THSD4: variants seen among roughly 807,000 people sequenced by gnomAD.
THSD4 encodes the protein thrombospondin type-1 domain-containing protein 4.
In THSD4, 69 loss-of-function variants were observed where a neutral mutation model predicts 119.0. That is an observed-to-expected ratio of 0.58 (90% CI 0.48 to 0.71). The LOEUF (loss-of-function observed/expected upper bound fraction) is 0.71, where lower values mean the gene tolerates loss of function less well. Among genes scored for constraint, THSD4 ranks in the 30% least tolerant of loss-of-function variants. THSD4 has a pLI of 0.00. For missense variants in THSD4, 1,393 were observed against 1,391.1 expected, an observed-to-expected ratio of 1.00 and a Z score of -0.02; for synonymous variants, 524 against 540.4, an observed-to-expected ratio of 0.97 and a Z score of 0.42.
At chr15:71,503,898 A>C (rs991322872) in intron 7 of THSD4, among the ~76,000 whole-genome samples, 1 of 152,236 alleles carries the variant, frequency 6.6e-6, no homozygotes, top group African/African-American at 2.4e-5. Flanking sequence ...TACACAAAAC[A>C]GGAAAATGGA....
At chr15:71,527,923 G>A (rs188035825) in intron 7 of THSD4, among the ~76,000 whole-genome samples, 1 of 151,964 alleles carries the variant, frequency 6.6e-6, no homozygotes. Flanking sequence ...ATGTTGCCCA[G>A]GCTGGTGGTC....
chr15:71,259,156 A>G (rs1401244082), intron 6 of THSD4, among the ~76,000 whole-genome samples: 1 of 152,112 alleles, frequency 6.6e-6, no homozygotes, highest in African/African-American at 2.4e-5. Context: ...GAGAAAGGAC[A>G]CAGACATACA....
intron 2 of THSD4, among the ~76,000 whole-genome samples, chr15:71,147,999 G>A (rs1187362089): frequency 7.3e-6 from 1 of 136,780 alleles, no homozygotes; most frequent in Non-Finnish European, 1.6e-5. Context: ...AAAAAAAGCT[G>A]TACTGTGATA....
intron 8 of THSD4, among the ~76,000 whole-genome samples, chr15:71,677,379 T>C (rs978642191): frequency 2.0e-5 from 3 of 152,224 alleles, no homozygotes; most frequent in African/African-American, 7.2e-5. Context: ...CTTTTATGAC[T>C]CTTGTCCAGA....
At chr15:71,436,293 A>G (rs2047012463) in intron 7 of THSD4, among the ~76,000 whole-genome samples, 1 of 152,198 alleles carries the variant, frequency 6.6e-6, no homozygotes, top group Non-Finnish European at 1.5e-5. Flanking sequence ...GAAGACAAAG[A>G]CGAAGGAAAA....
chr15:71,403,942 T>C (rs1216657674), intron 6 of THSD4, among the ~76,000 whole-genome samples: 1 of 152,178 alleles, frequency 6.6e-6, no homozygotes. Context: ...TTATTGATTG[T>C]AAGTAGGGAA....
intron 8 of THSD4, among the ~76,000 whole-genome samples, chr15:71,712,108 G>A (rs1375941087): frequency 1.3e-5 from 2 of 151,900 alleles, no homozygotes; most frequent in Non-Finnish European, 2.9e-5. Flanking sequence ...CTATATTCTG[G>A]GCCATAAAAC....
chr15:71,540,284 T>C (rs1241860943), intron 7 of THSD4, among the ~76,000 whole-genome samples: 6 of 144,120 alleles, frequency 4.2e-5, no homozygotes, highest in Non-Finnish European at 9.1e-5. Flanking sequence ...ATTATAGGCA[T>C]GCACCACCAC....
Position 71,780,946 on chromosome 15 carries a change from G to A in THSD4, c.*3572G>A, listed in dbSNP as rs749871395. On this transcript the variant is annotated 3_prime_UTR_variant, in exon 18 of 18. Coordinates refer to ENST00000261862, the MANE Select transcript of THSD4 (RefSeq NM_024817.3). ...CAGGACCTGTCTAAACAAATGTTGT[G>A]GGTTTTCTTTTCATTCGGATAGCCA... The A allele has an allele frequency of 2.8e-6, 1 of 354,702 alleles. No homozygotes were observed. Among genetic ancestry groups the A allele is most frequent in the Non-Finnish European group, 5.6e-6 (1 of 177,736 alleles). 22.0% of individuals were successfully genotyped at this position (354,702 alleles called of 1,614,324 possible).
chr15:71,182,046 C>T (rs548848096), intron 3 of THSD4, among the ~76,000 whole-genome samples: 6 of 152,294 alleles, frequency 3.9e-5, no homozygotes, highest in African/African-American at 1.2e-4. Context: ...ACTGGGGCTA[C>T]CAGCCCCATT....
intron 6 of THSD4, among the ~76,000 whole-genome samples, chr15:71,273,110 G>A (rs902767848): frequency 6.6e-6 from 1 of 152,168 alleles, no homozygotes; most frequent in Non-Finnish European, 1.5e-5. Context: ...TCACTGCAGC[G>A]TTATTCACAT....
At chr15:71,309,738 C>T (rs553152161) in intron 6 of THSD4, among the ~76,000 whole-genome samples, 9 of 152,270 alleles carry the variant, frequency 5.9e-5, no homozygotes, top group East Asian at 3.9e-4. Context: ...GTTGAAGAGA[C>T]GATTTTTCCA....
chr15:71,719,148 T>C (rs943053238), intron 8 of THSD4, among the ~76,000 whole-genome samples: 1 of 152,222 alleles, frequency 6.6e-6, no homozygotes, highest in Non-Finnish European at 1.5e-5. Context: ...GAATGAGAAT[T>C]AGACATACTT....
intron 7 of THSD4, among the ~76,000 whole-genome samples, chr15:71,485,051 T>C (rs2047794522): frequency 6.6e-6 from 1 of 152,178 alleles, no homozygotes. Context: ...CCCCAGCTCC[T>C]CTAGAGGCTA....
intron 3 of THSD4, among the ~76,000 whole-genome samples, chr15:71,198,332 A>G (rs1056968700): frequency 3.3e-5 from 5 of 152,202 alleles, no homozygotes; most frequent in African/African-American, 1.2e-4. Context: ...GGAAAAGCCA[A>G]CAAGGTTGTG....
At chr15:71,395,587 C>T (rs1439237978) in intron 6 of THSD4, among the ~76,000 whole-genome samples, 2 of 152,074 alleles carry the variant, frequency 1.3e-5, no homozygotes, top group Non-Finnish European at 2.9e-5. Context: ...ACAAAAAATA[C>T]AAAATTAGCT....
intron 3 of THSD4, among the ~76,000 whole-genome samples, chr15:71,194,424 C>T (rs971058087): frequency 1.3e-5 from 2 of 152,148 alleles, no homozygotes; most frequent in Non-Finnish European, 2.9e-5. Flanking sequence ...AAGGGCACTG[C>T]GGAGGGGTCT....
chr15:71,714,833 A>G (rs7170285), intron 8 of THSD4, among the ~76,000 whole-genome samples: 148,252 of 152,306 alleles, frequency 0.97, 72,272 homozygotes, highest in East Asian at 1. Context: ...GCTGCAACAC[A>G]CAATTTACCC....
At chr15:71,552,117 G>A (rs1463834088) in intron 7 of THSD4, among the ~76,000 whole-genome samples, 1 of 152,170 alleles carries the variant, frequency 6.6e-6, no homozygotes, top group Non-Finnish European at 1.5e-5. Context: ...AAAGGACATG[G>A]CATGTTCTGG....
Sources: gnomAD v4.1 joint callset for allele counts (sites outside exome capture counted in the v4.1 genomes callset) on GRCh38, gnomAD v4.1.1 for gene constraint, MANE v1.5 for transcripts, NCBI Gene and HGNC (gene_info 2026-07-23, HGNC 2026-07-21) for gene names.